The following TMEM130 variants were observed in gnomAD, a reference collection of about 807,000 sequenced individuals.
The protein encoded by TMEM130 is transmembrane protein 130.
Under a neutral mutation model 42.9 loss-of-function variants are expected in TMEM130, and 37 were observed. The observed-to-expected ratio is 0.86, with a 90% CI of 0.66 to 1.13. The LOEUF is 1.13. Among genes scored for constraint, TMEM130 ranks in the 50% most tolerant of loss-of-function variants. The pLI is 0.00. For missense variants in TMEM130, 545 were observed against 562.6 expected (o/e 0.97, Z 0.32); for synonymous variants, 259 against 237.7 (o/e 1.09, Z -0.82).
chr7:98,854,863 C>T (rs1196376588), intron 5 of TMEM130, among the ~76,000 whole-genome samples: 2 of 152,078 alleles, frequency 1.3e-5, no homozygotes, highest in African/African-American at 4.8e-5. Context: ...TGGTGAAACC[C>T]CATCTCTACT....
chr7:98,861,331 C>A (rs1400350321), intron 2 of TMEM130, among the ~76,000 whole-genome samples: 1 of 151,910 alleles, frequency 6.6e-6, no homozygotes, highest in Non-Finnish European at 1.5e-5. Context: ...GAGCAAGACT[C>A]CGTCTCAAAA....
chr7:98,848,524 C>T, intron 7 of TMEM130, 59 bp downstream of exon 7: 1 of 1,257,688 alleles, frequency 8.0e-7, no homozygotes, highest in Admixed American at 1.7e-5. Flanking sequence ...CATACCCTCT[C>T]TAAACATCCT....
At chr7:98,848,482 A>G (rs1372495665) in intron 7 of TMEM130, 101 bp downstream of exon 7, 3 of 923,290 alleles carry the variant, frequency 3.2e-6, no homozygotes, top group Non-Finnish European at 5.3e-6. Context: ...CTGTAATATC[A>G]AGACCCCCTC....
chr7:98,862,477 A>G (rs1340191726), intron 2 of TMEM130, among the ~76,000 whole-genome samples: 2 of 145,642 alleles, frequency 1.4e-5, no homozygotes, highest in Admixed American at 7.3e-5. Context: ...CCCCAAGACT[A>G]CAATAATTTC....
rs1554399483 is a variant in TMEM130, at chr7:98,859,729, TA to T, written c.551+449del. On this transcript the variant is annotated intron_variant, in intron 3 of 7. Coordinates refer to ENST00000339375, the MANE Select transcript of TMEM130 (RefSeq NM_152913.3). ...GTCTCTACTAAAAAATATAAATAAATAAATTAATTAATTAATTAATTAAATT... is the reference window on the plus strand; with the variant it reads ...GTCTCTACTAAAAAATATAAATAAATAATTAATTAATTAATTAATTAAATT... Among the ~76,000 whole-genome samples the T allele has an allele frequency of 4.5e-3, 675 of 150,456 alleles. 5 individuals are homozygous for T. Among genetic ancestry groups the T allele is most frequent in the Admixed American group, 0.016 (249 of 15,104 alleles).
In TMEM130 at chr7:98,863,423, T is replaced by C. The variant is rs1360394697; in HGVS notation, c.86-23A>G. The C allele has an allele frequency of 1.9e-6, 3 of 1,546,222 alleles. No individual in the cohort carries two copies. The African/African-American group carries it at 4.1e-5, about 21-fold the overall frequency. On this transcript the variant is annotated intron_variant, in intron 1 of 7. Coordinates refer to ENST00000339375, the MANE Select transcript of TMEM130 (RefSeq NM_152913.3). Reference sequence around the variant, plus strand: ...GGCCTAGGAGCCCAGAAACAAAGACTGTGTTTCAGAATGGTGTGTGGCAAG... The same window carrying C: ...GGCCTAGGAGCCCAGAAACAAAGACCGTGTTTCAGAATGGTGTGTGGCAAG...
chr7:98,852,837 T>C (rs977440517), intron 5 of TMEM130, among the ~76,000 whole-genome samples: 19 of 152,096 alleles, frequency 1.2e-4, no homozygotes, highest in African/African-American at 4.6e-4. Flanking sequence ...CCTCAAGTGA[T>C]CCACCCACCT....
chr7:98,848,368 C>T (rs1794410683), intron 7 of TMEM130, 160 bp from the exon 8 acceptor site: 6 of 866,158 alleles, frequency 6.9e-6, no homozygotes, highest in Middle Eastern at 7.1e-4. Flanking sequence ...CACACAGATG[C>T]AAGAGATGGA....
Position 98,863,128 on chromosome 7 carries a change from C to A in TMEM130, c.358G>T (p.Val120Leu), listed in dbSNP as rs1562911461. The A allele has an allele frequency of 1.9e-6, 3 of 1,613,740 alleles. No homozygotes were observed. The highest frequency in any genetic ancestry group is 1.1e-5 in the South Asian group (1 of 91,082). The change falls in exon 2 of 8, where the codon GTG becomes TTG. Residue 120 changes from valine to leucine, a missense_variant. Transcript: ENST00000339375. ...GGGAGGACCACAAAGCCCCTGGCCA[C>A]AGGCTGGCACATCCAGCAGTCAGCG... is the stretch of plus-strand genomic sequence containing the variant. Reference protein sequence around the residue: ...TAADCWMCQPVARGFVVLPIT... With the variant: ...TAADCWMCQPLARGFVVLPIT...
intron 2 of TMEM130, among the ~76,000 whole-genome samples, chr7:98,862,487 CTTTTTTTTTTTTTTTTT>C (rs57165730): frequency 6.1e-5 from 4 of 65,768 alleles, no homozygotes; most frequent in African/African-American, 2.2e-4. Context: ...ACAATAATTT[CTTTTTTTTTTTTTTTTT>C]TTTTTTTTTT....
At chr7:98,861,589 C>A (rs1284950373) in intron 2 of TMEM130, among the ~76,000 whole-genome samples, 1 of 152,044 alleles carries the variant, frequency 6.6e-6, no homozygotes, top group Non-Finnish European at 1.5e-5. Context: ...GTGGCCAGCA[C>A]CTGTAGTCCC....
intron 5 of TMEM130, 117 bp downstream of exon 5, chr7:98,855,123 C>T (rs1794596375): frequency 2.6e-6 from 2 of 778,834 alleles, no homozygotes; most frequent in African/African-American, 1.8e-5. Context: ...TGGCACTGCC[C>T]TTCCATGAGG....
chr7:98,869,714 G>C lies in TMEM130; in HGVS notation c.85+63C>G. 8.0e-7 allele frequency: 1 copy of C among 1,246,118 alleles called. No homozygotes were observed. Among genetic ancestry groups the C allele is most frequent in the Non-Finnish European group, 1.0e-6 (1 of 962,040 alleles). The allele number at this position is 1,246,118 out of a possible 1,614,324, so 77.2% of individuals were successfully genotyped here. A position where few individuals can be genotyped will look rare whatever the true frequency, so the allele number is the denominator to read the frequency against. On this transcript the variant is annotated intron_variant, in intron 1 of 7. Coordinates refer to ENST00000339375, the MANE Select transcript of TMEM130 (RefSeq NM_152913.3). The surrounding 1 kb of genome is among the most constrained non-coding windows in gnomAD (Gnocchi z 4.7). ...CTGCTCCCGGGCCCACTCGCCCGCT[G>C]AGACGGTTCCAGGCCCCGGGCGGGC...
rs782024588 is a variant in TMEM130 at position 98,848,206 on chromosome 7, G to T, written c.1122C>A (p.Asn374Lys). ...NATQQKDMVE[N>K]PEPPSGVRCC... ...ACCTGACCCCAGAGGGTGGCTCCGG[G>T]TTCTTGTCAGACATGGGGGAAAAGT... The change falls in exon 8 of 8, where the codon AAC (asparagine) becomes AAA (lysine). Residue 374 changes from asparagine to lysine, a missense_variant and splice_region_variant. By Grantham distance (94) the Asn-to-Lys change is moderately conservative (BLOSUM62 0). Transcript: ENST00000339375. 6.2e-7 allele frequency: 1 copy of T among 1,614,020 alleles called. No homozygotes were observed. The highest frequency in any genetic ancestry group is 1.7e-5 in the Admixed American group (1 of 59,980).
At chr7:98,862,304 C>A (rs202212910) in intron 2 of TMEM130, among the ~76,000 whole-genome samples, 4 of 51,814 alleles carry the variant, frequency 7.7e-5, no homozygotes, top group Non-Finnish European at 3.9e-4. Flanking sequence ...CAGAAAGAGA[C>A]AAAGAGACAG....
intron 3 of TMEM130, among the ~76,000 whole-genome samples, chr7:98,857,083 G>C (rs2116095111): frequency 6.6e-6 from 1 of 151,880 alleles, no homozygotes; most frequent in South Asian, 2.1e-4. Context: ...CACCATCCCT[G>C]GCTAATTTTT....
chr7:98,853,698 C>A (rs1554398558), intron 5 of TMEM130, among the ~76,000 whole-genome samples: 1 of 152,240 alleles, frequency 6.6e-6, no homozygotes, highest in African/African-American at 2.4e-5. Context: ...ATCCCAGTGG[C>A]CCCAGGGAGG....
At chr7:98,863,862 CT>C (rs1794849265) in intron 1 of TMEM130, among the ~76,000 whole-genome samples, 1 of 141,790 alleles carries the variant, frequency 7.1e-6, no homozygotes, top group Non-Finnish European at 1.5e-5. Context: ...TTCCTTCTTT[CT>C]TTCTTCCTTT....
At position 98,851,626 on chromosome 7, in the gene TMEM130, G is replaced by A; in HGVS notation, c.804-3C>T. The A allele has an allele frequency of 1.9e-6, 3 of 1,605,976 alleles. No individual in the cohort carries two copies. Among genetic ancestry groups the A allele is most frequent in the South Asian group, 1.1e-5 (1 of 90,510 alleles). On this transcript the variant is annotated splice_polypyrimidine_tract_variant and splice_region_variant and intron_variant, in intron 5 of 7. Coordinates refer to ENST00000339375, the MANE Select transcript of TMEM130 (RefSeq NM_152913.3). ...GCCAGCACACAGTCAGAGGAGGGCT[G>A]CAGGGAAATGGGGGCGGTTTTTAAG... is the stretch of plus-strand genomic sequence containing the variant.
Sources: gnomAD v4.1 joint callset for allele counts (sites outside exome capture counted in the v4.1 genomes callset) on GRCh38, gnomAD v4.1.1 for gene constraint, Gnocchi (gnomAD v3.1) non-coding constraint, MANE v1.5 for transcripts, NCBI Gene and HGNC (gene_info 2026-07-23, HGNC 2026-07-21) for gene names.